PRSS23: variants seen among roughly 807,000 people sequenced by gnomAD.
The protein encoded by PRSS23 is serine protease 23, also known as protease, serine 23.
A neutral mutation model predicts 34.7 loss-of-function variants in PRSS23; 25 were observed. The ratio of observed to expected loss-of-function variants is 0.72; its 90% CI spans 0.53 to 1.01. PRSS23 has a LOEUF of 1.01. PRSS23 is among the 50% of genes least tolerant of loss of function. PRSS23 has a pLI of 0.00. For synonymous variants in PRSS23, 176 were observed against 186.6 expected, an observed-to-expected ratio of 0.94 and a Z score of 0.46; for missense variants, 445 against 475.6, an observed-to-expected ratio of 0.94 and a Z score of 0.60.
rs1948023601 is a variant in PRSS23, at chr11:86,800,638, G to T, written c.-27G>T. ...GCGCAGCGAGCCGCGGCCCGGGCGG[G>T]CTGCTCGGCGCGGGTGAGTGCGGGC... On this transcript the variant is annotated 5_prime_UTR_variant, in exon 1 of 2. Transcript: ENST00000280258. The T allele has an allele frequency of 1.0e-6, 1 of 985,226 alleles. No individual in the cohort carries two copies. Among genetic ancestry groups the T allele is most frequent in the Non-Finnish European group, 1.2e-6 (1 of 829,860 alleles). 61.0% of individuals were successfully genotyped at this position (985,226 alleles called of 1,614,324 possible). A position where few individuals can be genotyped will look rare whatever the true frequency, so the allele number is the denominator to read the frequency against.
At chr11:86,815,422 C>T (rs1052927640), downstream of PRSS23, among the ~76,000 whole-genome samples, 1 of 152,160 alleles carries the variant, frequency 6.6e-6, no homozygotes, top group Non-Finnish European at 1.5e-5. Flanking sequence ...TGTAGGTTCT[C>T]AATAAATAAT....
chr11:86,883,653 T>A (rs1043048974), intron 2 of PRSS23, among the ~76,000 whole-genome samples: 3 of 152,194 alleles, frequency 2.0e-5, no homozygotes, highest in African/African-American at 7.2e-5. Context: ...TGGGATCTAA[T>A]TAAACTAAAG....
At chr11:86,947,911 G>A (rs1178917571) in intron 2 of PRSS23, 3 of 152,214 alleles carry the variant, frequency 2.0e-5, no homozygotes, top group Non-Finnish European at 4.4e-5. Flanking sequence ...AGGTTTCAGA[G>A]AAAGAAAAAC....
intron 2 of PRSS23, among the ~76,000 whole-genome samples, chr11:86,886,851 A>AT (rs1457987394): frequency 6.6e-6 from 1 of 152,168 alleles, no homozygotes; most frequent in Non-Finnish European, 1.5e-5. Flanking sequence ...AGGCAGGAGA[A>AT]TTGCTTGAAC....
chr11:86,857,394 G>C (rs1376296807), intron 2 of PRSS23: 3 of 274,472 alleles, frequency 1.1e-5, no homozygotes, highest in Admixed American at 1.0e-4. Flanking sequence ...CAAATATAGG[G>C]ATATCTAAAA....
intron 2 of PRSS23, chr11:86,939,002 G>A: frequency 2.2e-6 from 1 of 445,204 alleles, no homozygotes; most frequent in Non-Finnish European, 4.5e-6. Context: ...TTGATGTATT[G>A]ATGTTTTTCC....
chr11:86,844,673 G>C (rs1948473034), intron 2 of PRSS23, among the ~76,000 whole-genome samples: 1 of 152,152 alleles, frequency 6.6e-6, no homozygotes, highest in Non-Finnish European at 1.5e-5. Context: ...ATTGAATGCT[G>C]TGAATACTAA....
At chr11:86,877,237 G>A (rs199951363) in intron 2 of PRSS23, among the ~76,000 whole-genome samples, 2 of 141,472 alleles carry the variant, frequency 1.4e-5, no homozygotes, top group Non-Finnish European at 3.1e-5. Context: ...GGCAATGACT[G>A]TTTTCTCTGT....
At chr11:86,951,742 T>C (rs566294132) in exon 3 of PRSS23, 1 of 1,614,196 alleles carries the variant, frequency 6.2e-7, no homozygotes, top group African/African-American at 1.3e-5. Flanking sequence ...TTTCAATGGC[T>C]TCATGACCCC....
intron 2 of PRSS23, among the ~76,000 whole-genome samples, chr11:86,904,029 A>G (rs1158618161): frequency 1.3e-5 from 2 of 152,212 alleles, no homozygotes; most frequent in African/African-American, 4.8e-5. Context: ...GCTTCAGAGA[A>G]AAATAAATCT....
intron 2 of PRSS23, among the ~76,000 whole-genome samples, chr11:86,944,780 A>T (rs1406901803): frequency 2.0e-5 from 3 of 152,260 alleles, no homozygotes; most frequent in African/African-American, 4.8e-5. Flanking sequence ...CGGGAAAACC[A>T]TTTAAATTAC....
chr11:86,821,438 T>C, intron 1 of PRSS23: 2 of 1,563,750 alleles, frequency 1.3e-6, no homozygotes, highest in Middle Eastern at 2.3e-4. Context: ...TGCAGCACCA[T>C]CAAGTATGTG....
chr11:86,834,258 G>C (rs1381177570), intron 2 of PRSS23, among the ~76,000 whole-genome samples: 3 of 152,128 alleles, frequency 2.0e-5, no homozygotes, highest in Non-Finnish European at 4.4e-5. Context: ...ATTTGGTGAA[G>C]GGTTTTAAGT....
chr11:86,881,021 G>A (rs188439212), intron 2 of PRSS23, among the ~76,000 whole-genome samples: 9 of 152,104 alleles, frequency 5.9e-5, no homozygotes, highest in African/African-American at 2.2e-4. Flanking sequence ...TTCCAATCTC[G>A]ATTATTTGAT....
At chr11:86,951,175 C>G (rs566786953) in intron 2 of PRSS23, 1 of 1,614,084 alleles carries the variant, frequency 6.2e-7, no homozygotes, top group East Asian at 2.2e-5. Context: ...TTCCAGGCTT[C>G]ACCCAACCAT....
At chr11:86,821,472 A>G in intron 1 of PRSS23, 2 of 1,608,742 alleles carry the variant, frequency 1.2e-6, no homozygotes, top group South Asian at 1.1e-5. Flanking sequence ...ATAGCAGGAC[A>G]CTCTTTCAGA....
intron 2 of PRSS23, chr11:86,911,058 C>T (rs1445570702): frequency 1.3e-5 from 2 of 151,802 alleles, no homozygotes; most frequent in Admixed American, 1.3e-4. Flanking sequence ...TCAAAGTGAC[C>T]AGTATGGATC....
At chr11:86,932,142 G>A (rs553692366) in intron 2 of PRSS23, among the ~76,000 whole-genome samples, 1 of 152,228 alleles carries the variant, frequency 6.6e-6, no homozygotes, top group East Asian at 1.9e-4. Context: ...ATGATCATGT[G>A]GTTGGTTTGT....
chr11:86,859,988 T>C (rs1948601860), intron 2 of PRSS23, among the ~76,000 whole-genome samples: 1 of 151,858 alleles, frequency 6.6e-6, no homozygotes, highest in Non-Finnish European at 1.5e-5. Flanking sequence ...TCGCTGGTGG[T>C]GTATACCCAA....
Sources: allele counts gnomAD v4.1 joint callset (sites outside exome capture counted in the v4.1 genomes callset), GRCh38; gene constraint gnomAD v4.1.1; transcripts MANE v1.5; gene names NCBI Gene and HGNC (gene_info 2026-07-23, HGNC 2026-07-21).